Variants in TMOD2 observed in about 807,000 individuals in gnomAD.
TMOD2 encodes tropomodulin-2.
TMOD2 carries 22 observed loss-of-function variants against 39.9 expected under a neutral mutation model. That is an observed-to-expected ratio of 0.55 (90% CI 0.39 to 0.79). The LOEUF (loss-of-function observed/expected upper bound fraction) is 0.79, where lower values mean the gene tolerates loss of function less well. Ranked by LOEUF, TMOD2 falls within the 30% of genes least tolerant of loss-of-function variation. TMOD2 has a pLI of 0.00. For missense variants in TMOD2, 386 were observed against 413.3 expected (o/e 0.93, Z 0.57); for synonymous variants, 123 against 146.1 (o/e 0.84, Z 1.14).
At chr15:51,790,658 G>C (rs987542439) in intron 7 of TMOD2, among the ~76,000 whole-genome samples, 5 of 152,136 alleles carry the variant, frequency 3.3e-5, no homozygotes, top group African/African-American at 1.2e-4. Flanking sequence ...TATCCACTAT[G>C]ATCAAGTCGC....
At chr15:51,758,350 A>G (rs1161161152) in intron 1 of TMOD2, among the ~76,000 whole-genome samples, 2 of 152,190 alleles carry the variant, frequency 1.3e-5, no homozygotes, top group African/African-American at 2.4e-5. Context: ...CATACATGCA[A>G]CATACATGAA....
Position 51,770,664 on chromosome 15 carries a change from A to G in TMOD2, c.283+2246A>G, listed in dbSNP as rs554506887. On this transcript the variant is annotated intron_variant, in intron 3 of 9. Transcript: ENST00000249700. ...CATTAAGAAAGTAAAATTGGGCCAC[A>G]TGCAATGGCTCACACCTGTAATCCC... 2.2e-4 allele frequency among the ~76,000 whole-genome samples: 34 copies of G among 152,130 alleles called. 1 individual carries two copies. In the South Asian group the frequency reaches 6.2e-3, roughly 28 times the overall value.
chr15:51,805,650 G>A (rs1180439214), intron 8 of TMOD2, among the ~76,000 whole-genome samples: 1 of 152,202 alleles, frequency 6.6e-6, no homozygotes, highest in East Asian at 1.9e-4. Context: ...TTGATTGATT[G>A]TAACACAAAG....
intron 2 of TMOD2, 179 bp downstream of exon 2, chr15:51,766,746 T>C: frequency 2.0e-6 from 1 of 509,370 alleles, no homozygotes; most frequent in Non-Finnish European, 3.4e-6. Flanking sequence ...GCCACTACAG[T>C]GTGATACAGC....
intron 6 of TMOD2, among the ~76,000 whole-genome samples, chr15:51,782,338 T>A (rs2055936371): frequency 6.6e-6 from 1 of 152,170 alleles, no homozygotes; most frequent in Non-Finnish European, 1.5e-5. Context: ...ATTTCCAGGC[T>A]AAGGGGAAAG....
intron 1 of TMOD2, among the ~76,000 whole-genome samples, chr15:51,764,860 T>G (rs2055806072): frequency 1.3e-5 from 2 of 152,194 alleles, no homozygotes. Flanking sequence ...CAGTTTCCCC[T>G]CAAACTTCCC....
chr15:51,760,177 T>C (rs1264744845), intron 1 of TMOD2, among the ~76,000 whole-genome samples: 2 of 152,252 alleles, frequency 1.3e-5, no homozygotes, highest in Non-Finnish European at 2.9e-5. Context: ...CTATTGCTGC[T>C]GTAACAAATT....
chr15:51,788,207 C>A (rs2055984245), intron 7 of TMOD2, among the ~76,000 whole-genome samples: 1 of 152,114 alleles, frequency 6.6e-6, no homozygotes, highest in Admixed American at 6.5e-5. Flanking sequence ...AACCACAGTA[C>A]AAGAACTTCG....
chr15:51,759,317 G>GCGAA (rs2055763388), intron 1 of TMOD2, among the ~76,000 whole-genome samples: 1 of 152,178 alleles, frequency 6.6e-6, no homozygotes, highest in South Asian at 2.1e-4. Context: ...AAGGAGAGAT[G>GCGAA]TGAATTAGGC....
intron 7 of TMOD2, among the ~76,000 whole-genome samples, chr15:51,790,838 A>G (rs1182327961): frequency 6.6e-6 from 1 of 152,232 alleles, no homozygotes; most frequent in Non-Finnish European, 1.5e-5. Context: ...TCAACTAGGT[A>G]TTGACGGAAC....
chr15:51,769,536 G>T (rs76830781), intron 3 of TMOD2, among the ~76,000 whole-genome samples: 4,362 of 152,288 alleles, frequency 0.029, 82 homozygotes, highest in Non-Finnish European at 0.042. Context: ...GAAGCAAGGA[G>T]TTGTTTTTCC....
chr15:51,772,332 T>G (rs1221727770), intron 3 of TMOD2, among the ~76,000 whole-genome samples: 1 of 151,592 alleles, frequency 6.6e-6, no homozygotes, highest in Non-Finnish European at 1.5e-5. Flanking sequence ...AAACAAAGAG[T>G]CAAAAGCTGG....
At chr15:51,760,906 ATT>A (rs1366237093) in intron 1 of TMOD2, among the ~76,000 whole-genome samples, 1 of 152,192 alleles carries the variant, frequency 6.6e-6, no homozygotes, top group Non-Finnish European at 1.5e-5. Context: ...AGGAGGACGT[ATT>A]TAGGTGGCCA....
chr15:51,809,006 G>A lies in TMOD2; in HGVS notation c.*552G>A, dbSNP rs551324033. 6.5e-6 allele frequency: 1 copy of A among 152,742 alleles called. No individual in the cohort carries two copies. Among genetic ancestry groups the A allele is most frequent in the East Asian group, 1.9e-4 (1 of 5,192 alleles). The allele number at this position is 152,742 out of a possible 1,614,324, so 9.5% of individuals were successfully genotyped here. ...AATCAGTAAATGCACATGCCCTGTT[G>A]ATTGGAGATCAGTAGTGTCATCTTC... is the stretch of plus-strand genomic sequence containing the variant. On this transcript the variant is annotated 3_prime_UTR_variant, in exon 10 of 10. Coordinates refer to ENST00000249700, the MANE Select transcript of TMOD2 (RefSeq NM_014548.4).
At chr15:51,782,249 T>G (rs1270875254) in intron 6 of TMOD2, among the ~76,000 whole-genome samples, 2 of 152,156 alleles carry the variant, frequency 1.3e-5, no homozygotes, top group East Asian at 1.9e-4. Context: ...AAAGAAAAAT[T>G]TTAATGCTAC....
intron 2 of TMOD2, 87 bp from the exon 3 acceptor site, chr15:51,768,175 G>A: frequency 1.4e-6 from 2 of 1,474,114 alleles, no homozygotes; most frequent in South Asian, 1.2e-5. Flanking sequence ...TGCTTCCCCA[G>A]CACATAGTGA....
chr15:51,778,384 C>G (rs2055904305), intron 5 of TMOD2, among the ~76,000 whole-genome samples: 1 of 147,120 alleles, frequency 6.8e-6, no homozygotes, highest in South Asian at 2.2e-4. Context: ...ATACCTAATG[C>G]TAAATGACGA....
In TMOD2 at chr15:51,752,013, G is replaced by C. The variant is rs1354490125; in HGVS notation, c.-70+301G>C. ...CAGCCCGCTGGGCCGCAGCGGGGAG[G>C]GCGCGGTCTCCTGTCCTCCCGGGCT... On this transcript the variant is annotated intron_variant, in intron 1 of 9. Transcript: ENST00000249700. Among the ~76,000 whole-genome samples the C allele has an allele frequency of 2.0e-5, 3 of 151,788 alleles. No individual in the cohort carries two copies. In the East Asian group the frequency reaches 5.9e-4, roughly 30 times the overall value.
At chr15:51,764,525 A>G (rs780765499) in intron 1 of TMOD2, among the ~76,000 whole-genome samples, 12 of 152,188 alleles carry the variant, frequency 7.9e-5, no homozygotes, top group Non-Finnish European at 1.5e-4. Flanking sequence ...ATTTGAACTC[A>G]TAAAAAAAGA....
Sources: allele counts gnomAD v4.1 joint callset (sites outside exome capture counted in the v4.1 genomes callset), GRCh38; gene constraint gnomAD v4.1.1; transcripts MANE v1.5; gene names NCBI Gene and HGNC (gene_info 2026-07-23, HGNC 2026-07-21).